Variants in PPP1R2 observed in about 807,000 individuals in gnomAD.
The protein encoded by PPP1R2 is protein phosphatase 1 regulatory inhibitor subunit 2.
PPP1R2 carries 16 observed loss-of-function variants against 29.9 expected under a neutral mutation model. The observed-to-expected ratio is 0.53, with a 90% CI of 0.36 to 0.81. The LOEUF (loss-of-function observed/expected upper bound fraction) is 0.81, where lower values mean the gene tolerates loss of function less well. Ranked by LOEUF, PPP1R2 falls within the 30% of genes least tolerant of loss-of-function variation. The pLI is 0.00. For missense variants in PPP1R2, 197 were observed against 252.7 expected (o/e 0.78, Z 1.49); for synonymous variants, 76 against 91.5 (o/e 0.83, Z 0.96).
At chr3:195,538,198 T>C (rs1376497169) in intron 1 of PPP1R2, among the ~76,000 whole-genome samples, 2 of 152,240 alleles carry the variant, frequency 1.3e-5, no homozygotes, top group Non-Finnish European at 2.9e-5. Flanking sequence ...CTAAATCTGG[T>C]GCTGAAAACG....
At chr3:195,537,481 T>TGTGTGTGTGTGTGTGTG in intron 1 of PPP1R2, among the ~76,000 whole-genome samples, 2 of 128,574 alleles carry the variant, frequency 1.6e-5, no homozygotes, top group Admixed American at 1.7e-4. Flanking sequence ...GGATTAGCTA[T>TGTGTGTGTGTGTGTGTG]TGTGTGTGTG....
At chr3:195,524,513 A>G (rs1480630615) in intron 3 of PPP1R2, among the ~76,000 whole-genome samples, 1 of 152,164 alleles carries the variant, frequency 6.6e-6, no homozygotes, top group Non-Finnish European at 1.5e-5. Context: ...TGACAGAGCG[A>G]GACTCTGTCT....
chr3:195,529,935 G>T, intron 1 of PPP1R2, 34 bp from the exon 2 acceptor site: 2 of 1,473,242 alleles, frequency 1.4e-6, no homozygotes, highest in South Asian at 1.2e-5. Flanking sequence ...TTTTCCCAAT[G>T]CAGAAAAAGA....
In PPP1R2 at chr3:195,543,000, C is replaced by T. The variant is rs577494391; in HGVS notation, c.26G>A (p.Arg9Gln). 246 of 1,601,326 alleles carry T rather than the reference C, an allele frequency of 1.5e-4. 1 individual carries two copies. In the South Asian group the frequency reaches 2.7e-3, roughly 17 times the overall value. The change falls in exon 1 of 6, where the codon CGG (arginine) becomes CAG (glutamine). Residue 9 changes from arginine to glutamine, a missense_variant. By Grantham distance (43) the Arg-to-Gln change is conservative. Around this residue, in one of 3 missense-constraint regions of PPP1R2, gnomAD observed 54 missense variants for 60.6 expected, o/e 0.89. Coordinates refer to ENST00000618156, the MANE Select transcript of PPP1R2 (RefSeq NM_006241.8). MAASTASH[R>Q]PIKGILKNKT... ...GTTCTTCAAGATCCCCTTGATGGGCCGGTGCGAGGCCGTCGAGGCCGCCAT... is the reference window on the plus strand; with the variant it reads ...GTTCTTCAAGATCCCCTTGATGGGCTGGTGCGAGGCCGTCGAGGCCGCCAT...
intron 2 of PPP1R2, chr3:195,528,867 C>CTTT (rs755404825): frequency 2.2e-5 from 3 of 134,262 alleles, no homozygotes; most frequent in Non-Finnish European, 4.8e-5. Context: ...AAGGTATTAT[C>CTTT]TTTTTTTTTT....
At chr3:195,535,081 G>T (rs1719325724) in intron 1 of PPP1R2, among the ~76,000 whole-genome samples, 1 of 152,168 alleles carries the variant, frequency 6.6e-6, no homozygotes, top group African/African-American at 2.4e-5. Flanking sequence ...CCAGTGAGCG[G>T]TTTCGGGAAA....
intron 2 of PPP1R2, among the ~76,000 whole-genome samples, chr3:195,528,323 T>A (rs1053148733): frequency 6.6e-6 from 1 of 152,234 alleles, no homozygotes; most frequent in Non-Finnish European, 1.5e-5. Context: ...TTCCTTTTTA[T>A]ATATATTCCA....
Position 195,542,918 on chromosome 3 carries a change from G to C in PPP1R2, c.108C>G (p.Val36=), listed in dbSNP as rs1417642799. ...CCAGCGCTCACCTCAGCTCCTCGTC[G>C]ACATTCCCGCGGGGCTGTTCGGCCG... ...VASAEQPRGN[V]DEELSKKSQK... Residue 36 remains valine, a synonymous_variant, in exon 1 of 6, where the codon GTC becomes GTG. Transcript: ENST00000618156. 1.9e-6 allele frequency: 3 copies of C among 1,602,510 alleles called. No individual in the cohort carries two copies. Among genetic ancestry groups the C allele is most frequent in the Non-Finnish European group, 2.6e-6 (3 of 1,174,654 alleles).
rs1718555488 is a variant in PPP1R2 at position 195,516,599 on chromosome 3, A to G, written c.*297T>C. 1 of 298,420 alleles carries G rather than the reference A, an allele frequency of 3.4e-6. No homozygotes were observed. Among genetic ancestry groups the G allele is most frequent in the South Asian group, 1.2e-4 (1 of 8,694 alleles). The allele number at this position is 298,420 out of a possible 1,614,324, so 18.5% of individuals were successfully genotyped here. ...AAAGATATTGTTTAACTTCTAAAGC[A>G]TAAAAAGCTCTATAATATCTTATAC... On this transcript the variant is annotated 3_prime_UTR_variant, in exon 6 of 6. Coordinates refer to ENST00000618156, the MANE Select transcript of PPP1R2 (RefSeq NM_006241.8).
intron 1 of PPP1R2, 40 bp downstream of exon 1, chr3:195,542,864 G>T: frequency 6.4e-7 from 1 of 1,574,524 alleles, no homozygotes; most frequent in Non-Finnish European, 8.6e-7. Context: ...CGGGCCCGGC[G>T]GGAAGGAGGG....
intron 1 of PPP1R2, among the ~76,000 whole-genome samples, chr3:195,533,578 G>C (rs371098459): frequency 1.3e-5 from 2 of 152,200 alleles, no homozygotes; most frequent in Admixed American, 1.3e-4. Flanking sequence ...ACAAGAAAAA[G>C]TAGAACGCTT....
At chr3:195,529,740 T>C (rs1464423248) in intron 2 of PPP1R2, 54 bp downstream of exon 2, 30 of 1,297,576 alleles carry the variant, frequency 2.3e-5, no homozygotes, top group Non-Finnish European at 2.8e-5. Context: ...GACGTTCATA[T>C]GAAATGCAAA....
chr3:195,521,091 G>A (rs891366106), intron 4 of PPP1R2, among the ~76,000 whole-genome samples: 2 of 151,490 alleles, frequency 1.3e-5, no homozygotes, highest in African/African-American at 2.4e-5. Flanking sequence ...CGAGGAGGGC[G>A]GATCATGAGG....
chr3:195,541,455 CTTTTTTT>C (rs553981950), intron 1 of PPP1R2, among the ~76,000 whole-genome samples: 1 of 99,316 alleles, frequency 1.0e-5, no homozygotes, highest in Non-Finnish European at 2.0e-5. Flanking sequence ...CTTTTCTTTC[CTTTTTTT>C]TTTTTTTTTT....
intron 5 of PPP1R2, among the ~76,000 whole-genome samples, chr3:195,517,228 A>C (rs1718578624): frequency 6.6e-6 from 1 of 152,178 alleles, no homozygotes; most frequent in African/African-American, 2.4e-5. Context: ...TCCAATATCC[A>C]GAGCTATAAA....
At position 195,543,296 on chromosome 3, in the gene PPP1R2, T is replaced by A. The variant is rs939941034; in HGVS notation, c.-271A>T. 1.3e-5 allele frequency: 4 copies of A among 319,302 alleles called. No homozygotes were observed. The highest frequency in any genetic ancestry group is 1.7e-5 in the Non-Finnish European group (3 of 173,556). The allele number at this position is 319,302 out of a possible 1,614,324, so 19.8% of individuals were successfully genotyped here. ...TCGCGGAGAGACGCCGGCCTAGAGC[T>A]CCAGCGCAGGAGCGACGCGACGCCG... On this transcript the variant is annotated 5_prime_UTR_variant, in exon 1 of 6. Coordinates refer to ENST00000618156, the MANE Select transcript of PPP1R2 (RefSeq NM_006241.8).
chr3:195,531,255 T>C (rs1719169911), intron 1 of PPP1R2, among the ~76,000 whole-genome samples: 1 of 152,252 alleles, frequency 6.6e-6, no homozygotes, highest in East Asian at 1.9e-4. Flanking sequence ...AAGACCTTTC[T>C]ACAAGCCAAC....
In PPP1R2 at chr3:195,516,100, C is replaced by T. The variant is rs1718535878; in HGVS notation, c.*796G>A. The T allele has an allele frequency of 6.6e-6, 1 of 152,352 alleles. No homozygotes were observed. Among genetic ancestry groups the T allele is most frequent in the African/African-American group, 2.4e-5 (1 of 41,406 alleles). The allele number at this position is 152,352 out of a possible 1,614,324, so 9.4% of individuals were successfully genotyped here. On this transcript the variant is annotated 3_prime_UTR_variant, in exon 6 of 6. Transcript: ENST00000618156. Reference sequence around the variant, plus strand: ...AGGAAAGAAAAGCAGGAGGTTAAGACAGGTATTTAAAGGGAATGGCGAGAT... The same window carrying T: ...AGGAAAGAAAAGCAGGAGGTTAAGATAGGTATTTAAAGGGAATGGCGAGAT...
chr3:195,537,661 T>G (rs1271765242), intron 1 of PPP1R2, among the ~76,000 whole-genome samples: 1 of 151,842 alleles, frequency 6.6e-6, no homozygotes, highest in South Asian at 2.1e-4. Flanking sequence ...TAAACCACAT[T>G]TTATATAACT....
Sources: allele counts gnomAD v4.1 joint callset (sites outside exome capture counted in the v4.1 genomes callset), GRCh38; gene constraint gnomAD v4.1.1; regional missense constraint gnomAD v4.1.1; transcripts MANE v1.5; gene names NCBI Gene and HGNC (gene_info 2026-07-23, HGNC 2026-07-21).